Variants in FBLN1 observed in about 807,000 individuals in gnomAD.
The protein encoded by FBLN1 is fibulin-1.
Under a neutral mutation model 89.7 loss-of-function variants are expected in FBLN1, and 34 were observed. That is an observed-to-expected ratio of 0.38 (90% CI 0.29 to 0.50). FBLN1 has a LOEUF of 0.50. Among genes scored for constraint, FBLN1 ranks in the 20% least tolerant of loss-of-function variants. The pLI is 0.92. For synonymous variants in FBLN1, 393 were observed against 391.3 expected, an observed-to-expected ratio of 1.00 and a Z score of -0.05; for missense variants, 777 against 988.1, an observed-to-expected ratio of 0.79 and a Z score of 2.86.
intron 14 of FBLN1, among the ~76,000 whole-genome samples, chr22:45,552,744 G>A (rs562841002): frequency 3.8e-4 from 58 of 152,188 alleles, no homozygotes; most frequent in Non-Finnish European, 7.5e-4. Context: ...GCGGCCGAGG[G>A]CTGGTAACTG....
intron 13 of FBLN1, 71 bp downstream of exon 13, chr22:45,548,815 TG>T: frequency 6.3e-7 from 1 of 1,595,896 alleles, no homozygotes. Flanking sequence ...GGGCTGAGGC[TG>T]GGCTCGGGGG....
At chr22:45,596,182 T>C (rs2089184618) in intron 16 of FBLN1, among the ~76,000 whole-genome samples, 1 of 152,332 alleles carries the variant, frequency 6.6e-6, no homozygotes, top group East Asian at 1.9e-4. Context: ...GGTTGCTGTT[T>C]TTAATCCCTG....
chr22:45,510,081 G>A (rs1360382549), intron 1 of FBLN1, among the ~76,000 whole-genome samples: 2 of 152,092 alleles, frequency 1.3e-5, no homozygotes. Flanking sequence ...AGCTATTCAC[G>A]GAGCTTTGCC....
At chr22:45,519,334 T>G (rs1044530534) in intron 2 of FBLN1, among the ~76,000 whole-genome samples, 1 of 152,002 alleles carries the variant, frequency 6.6e-6, no homozygotes, top group Non-Finnish European at 1.5e-5. Context: ...GAATAAATAA[T>G]GAGAAGCCGG....
intron 14 of FBLN1, among the ~76,000 whole-genome samples, chr22:45,564,083 G>T (rs980429692): frequency 2.0e-5 from 3 of 152,114 alleles, no homozygotes; most frequent in Non-Finnish European, 2.9e-5. Flanking sequence ...CTCAGAGAGG[G>T]CAAGTGATTT....
chr22:45,543,641 T>C (rs2088588434), intron 11 of FBLN1, 115 bp downstream of exon 11: 2 of 1,345,136 alleles, frequency 1.5e-6, no homozygotes, highest in African/African-American at 1.4e-5. Flanking sequence ...TTAAATGACA[T>C]GTTAGCAGGG....
intron 16 of FBLN1, among the ~76,000 whole-genome samples, chr22:45,585,707 G>A (rs920543092): frequency 1.3e-5 from 2 of 152,196 alleles, no homozygotes; most frequent in African/African-American, 2.4e-5. Flanking sequence ...TCTTGAGCTG[G>A]GGGTGTCACC....
intron 1 of FBLN1, among the ~76,000 whole-genome samples, chr22:45,514,004 G>A (rs753860196): frequency 6.6e-6 from 1 of 152,058 alleles, no homozygotes; most frequent in African/African-American, 2.4e-5. Context: ...TGTTGGTCAG[G>A]CTGGTCTCGA....
Position 45,574,428 on chromosome 22 carries a change from GCTC to G in FBLN1, c.1698-75_1698-73del. Reference sequence around the variant, plus strand: ...ACAGATGCCCCTGCCCTGGCCACCTGCTCCTCCTCCCTAGACCTCGGCCCCTGT... The same window carrying G: ...ACAGATGCCCCTGCCCTGGCCACCTGCTCCTCCCTAGACCTCGGCCCCTGT... On this transcript the variant is annotated intron_variant, in intron 14 of 16. Transcript: ENST00000327858. This position sits in a 1 kb window ranked among gnomAD's most constrained non-coding sequence, Gnocchi z 4.1. 2.6e-6 allele frequency: 4 copies of G among 1,519,884 alleles called. No individual in the cohort carries two copies. The highest frequency in any genetic ancestry group is 2.7e-6 in the Non-Finnish European group (3 of 1,101,940). 94.1% of individuals were successfully genotyped at this position (1,519,884 alleles called of 1,614,324 possible).
rs1471495425 is a variant in FBLN1, at chr22:45,562,450, G to A, written c.1697+11835G>A. Among the ~76,000 whole-genome samples the A allele has an allele frequency of 6.6e-6, 1 of 152,234 alleles. No homozygotes were observed. The highest frequency in any genetic ancestry group is 1.5e-5 in the Non-Finnish European group (1 of 68,034). On this transcript the variant is annotated intron_variant, in intron 14 of 16. Coordinates refer to ENST00000327858, the MANE Select transcript of FBLN1 (RefSeq NM_006486.3). The surrounding 1 kb of genome is among the most constrained non-coding windows in gnomAD (Gnocchi z 7.8). ...CAGTGATCACACTAGAGAGTGCATG[G>A]TGAGGAAGAGCTGAGCACTTGGTAA... is the stretch of plus-strand genomic sequence containing the variant.
At chr22:45,523,518 C>G (rs1019902452) in intron 2 of FBLN1, among the ~76,000 whole-genome samples, 4 of 152,186 alleles carry the variant, frequency 2.6e-5, no homozygotes, top group African/African-American at 9.7e-5. Context: ...TCCTGGCCAA[C>G]ATGGCAAGAT....
At chr22:45,582,693 T>G (rs2089052685) in intron 16 of FBLN1, among the ~76,000 whole-genome samples, 1 of 152,222 alleles carries the variant, frequency 6.6e-6, no homozygotes, top group Non-Finnish European at 1.5e-5. Context: ...TGGGCTTTAA[T>G]GACAACCTAC....
At chr22:45,598,421 C>T (rs1278742613) in intron 16 of FBLN1, among the ~76,000 whole-genome samples, 4 of 152,212 alleles carry the variant, frequency 2.6e-5, no homozygotes, top group South Asian at 4.1e-4. Flanking sequence ...ACATGTGGAA[C>T]GGAGAAGGGA....
rs115694802 is a variant in FBLN1 at position 45,503,305 on chromosome 22, C to T, written c.79+241C>T. ...CGGATTCCCCCACCCCTCAAACACA[C>T]CGTCCTACCCCAGTCCTAGCAAATC... is the stretch of plus-strand genomic sequence containing the variant. On this transcript the variant is annotated intron_variant, in intron 1 of 16. Transcript: ENST00000327858. 5.3e-3 allele frequency: 1,442 copies of T among 273,378 alleles called. 14 individuals are homozygous for T. Among genetic ancestry groups the T allele is most frequent in the African/African-American group, 0.03 (1,349 of 44,690 alleles). The allele number at this position is 273,378 out of a possible 1,614,324, so 16.9% of individuals were successfully genotyped here.
Position 45,568,655 on chromosome 22 carries a change from C to T in FBLN1, c.1698-5856C>T, listed in dbSNP as rs1052998461. ...GGAATGCCTCTTCTGTGGGAGAATG[C>T]TCCTTCTGTAGGGGAATGCCTCTTC... On this transcript the variant is annotated intron_variant, in intron 14 of 16. Transcript: ENST00000327858. 1.2e-4 allele frequency among the ~76,000 whole-genome samples: 12 copies of T among 98,096 alleles called. 2 individuals carry two copies. The highest frequency in any genetic ancestry group is 2.5e-4 in the Non-Finnish European group (12 of 47,786). 64.4% of individuals were successfully genotyped at this position (98,096 alleles called of 152,430 possible). A position where few individuals can be genotyped will look rare whatever the true frequency, so the allele number is the denominator to read the frequency against.
intron 1 of FBLN1, chr22:45,517,498 C>T (rs1044176561): frequency 2.1e-6 from 1 of 467,250 alleles, no homozygotes; most frequent in Non-Finnish European, 4.4e-6. Flanking sequence ...GCCTGTGTGC[C>T]CAGCTCATTT....
chr22:45,503,176 C>T (rs2087970428), intron 1 of FBLN1, 112 bp downstream of exon 1: 2 of 435,602 alleles, frequency 4.6e-6, no homozygotes, highest in Admixed American at 6.6e-5. Context: ...TTGCCCTGCG[C>T]GGCGCCCCCG....
rs1167134412 is a variant in FBLN1 at position 45,575,827 on chromosome 22, C to T, written c.1841-1150C>T. ...TGGCTGTGCTGCCCGTGTGCCCGGT[C>T]CCCAACCACCCCCGCCCTCTAGGGA... is the stretch of plus-strand genomic sequence containing the variant. On this transcript the variant is annotated intron_variant, in intron 15 of 16. Coordinates refer to ENST00000327858, the MANE Select transcript of FBLN1 (RefSeq NM_006486.3). This position sits in a 1 kb window ranked among gnomAD's most constrained non-coding sequence, Gnocchi z 6.3. 2.6e-5 allele frequency among the ~76,000 whole-genome samples: 4 copies of T among 152,128 alleles called. No individual in the cohort carries two copies. Among genetic ancestry groups the T allele is most frequent in the Non-Finnish European group, 2.9e-5 (2 of 68,018 alleles).
chr22:45,589,100 AAT>A (rs2089113844), intron 16 of FBLN1, among the ~76,000 whole-genome samples: 1 of 146,392 alleles, frequency 6.8e-6, no homozygotes, highest in African/African-American at 2.5e-5. Flanking sequence ...ATATATAAAA[AAT>A]ATATAAAAAT....
Sources: allele counts gnomAD v4.1 joint callset (sites outside exome capture counted in the v4.1 genomes callset), GRCh38; gene constraint gnomAD v4.1.1; non-coding constraint Gnocchi (gnomAD v3.1); transcripts MANE v1.5; gene names NCBI Gene and HGNC (gene_info 2026-07-23, HGNC 2026-07-21).